Variants in SH3GL2 observed in about 807,000 individuals in gnomAD.
SH3GL2 encodes SH3 domain containing GRB2 like 2, endophilin A1, also known as endophilin-A1.
A neutral mutation model predicts 46.0 loss-of-function variants in SH3GL2; 24 were observed. The observed-to-expected ratio is 0.52, with a 90% CI of 0.38 to 0.73. The LOEUF (loss-of-function observed/expected upper bound fraction) is 0.73, where lower values mean the gene tolerates loss of function less well. SH3GL2 is among the 30% of genes least tolerant of loss of function. SH3GL2 has a pLI of 0.00. For missense variants in SH3GL2, 413 were observed against 424.2 expected (o/e 0.97, Z 0.23); for synonymous variants, 196 against 147.1 (o/e 1.33, Z -2.40).
At chr9:17,680,460 G>T (rs1403434689) in intron 1 of SH3GL2, among the ~76,000 whole-genome samples, 1 of 152,048 alleles carries the variant, frequency 6.6e-6, no homozygotes, top group Non-Finnish European at 1.5e-5. Context: ...GTATTTCTGT[G>T]GGATTGGTGG....
Position 17,789,484 on chromosome 9 carries a change from T to C in SH3GL2, c.558T>C (p.Ala186=). Residue 186 remains alanine (A), a synonymous_variant, in exon 6 of 9, where the codon GCT becomes GCC. Transcript: ENST00000380607. ...GKIPDEELRQ[A]LEKFDESKEI... is the part of the protein sequence containing the mutation. The stretch of plus-strand genomic sequence containing the variant: ...TTCCGGATGAAGAGCTTCGTCAAGC[T>C]CTAGAGAAATTTGATGAGTCTAAGG... The C allele has an allele frequency of 6.2e-7, 1 of 1,613,510 alleles. No homozygotes were observed. Among genetic ancestry groups the C allele is most frequent in the Non-Finnish European group, 8.5e-7 (1 of 1,179,592 alleles).
intron 1 of SH3GL2, chr9:17,735,840 C>G (rs1336994495): frequency 4.1e-6 from 2 of 487,220 alleles, no homozygotes; most frequent in Non-Finnish European, 2.7e-6. Context: ...AGGGACATTA[C>G]TCTGCGTATA....
intron 1 of SH3GL2, among the ~76,000 whole-genome samples, chr9:17,686,805 G>A (rs1429114675): frequency 8.2e-6 from 1 of 122,244 alleles, no homozygotes; most frequent in African/African-American, 3.1e-5. Flanking sequence ...GGGGGGAGGG[G>A]GGAGGGTTAG....
rs1482307269 is a variant in SH3GL2 at position 17,679,666 on chromosome 9, T to C, written c.46-67400T>C. Among the ~76,000 whole-genome samples the C allele has an allele frequency of 8.5e-5, 13 of 152,212 alleles. 1 individual carries two copies. Among genetic ancestry groups the C allele is most frequent in the Admixed American group, 8.5e-4 (13 of 15,274 alleles). ...CCTGGCCAGAACTTTCAACACTATG[T>C]TGAATAGGAGTGGTGAGAGAGGGCA... On this transcript the variant is annotated intron_variant, in intron 1 of 8. Coordinates refer to ENST00000380607, the MANE Select transcript of SH3GL2 (RefSeq NM_003026.5).
intron 2 of SH3GL2, among the ~76,000 whole-genome samples, chr9:17,748,273 G>A (rs536446051): frequency 6.6e-6 from 1 of 152,202 alleles, no homozygotes; most frequent in South Asian, 2.1e-4. Flanking sequence ...GTGGGTGGTG[G>A]GTAATGGATC....
intron 1 of SH3GL2, among the ~76,000 whole-genome samples, chr9:17,643,314 T>A (rs1182064191): frequency 1.3e-5 from 2 of 152,222 alleles, no homozygotes; most frequent in African/African-American, 4.8e-5. Flanking sequence ...TTTCTAAATA[T>A]ACAATCATGT....
intron 2 of SH3GL2, among the ~76,000 whole-genome samples, chr9:17,748,194 A>G (rs1036933512): frequency 2.0e-5 from 3 of 152,182 alleles, no homozygotes; most frequent in South Asian, 4.1e-4. Context: ...GCTCTTCAGA[A>G]CAGGTGATAT....
At chr9:17,692,703 A>G (rs1400655294) in intron 1 of SH3GL2, among the ~76,000 whole-genome samples, 1 of 152,054 alleles carries the variant, frequency 6.6e-6, no homozygotes, top group Non-Finnish European at 1.5e-5. Flanking sequence ...TGGATAAGAA[A>G]TATTTTTCAC....
intron 1 of SH3GL2, among the ~76,000 whole-genome samples, chr9:17,705,901 A>G (rs977951767): frequency 6.6e-5 from 10 of 151,946 alleles, no homozygotes; most frequent in African/African-American, 2.2e-4. Flanking sequence ...ATGACATGCA[A>G]TTTACCCATG....
chr9:17,789,177 T>C (rs1183554482), intron 5 of SH3GL2, among the ~76,000 whole-genome samples: 1 of 152,218 alleles, frequency 6.6e-6, no homozygotes, highest in Non-Finnish European at 1.5e-5. Flanking sequence ...TAATTTATCT[T>C]TTATTCTTAA....
intron 6 of SH3GL2, among the ~76,000 whole-genome samples, 170 bp from the exon 7 acceptor site, chr9:17,791,061 A>T (rs953636276): frequency 5.9e-5 from 9 of 152,168 alleles, no homozygotes; most frequent in Admixed American, 5.9e-4. Context: ...TCCTTGATGG[A>T]TTTGAAACCT....
At chr9:17,646,352 C>T (rs1381608824) in intron 1 of SH3GL2, among the ~76,000 whole-genome samples, 1 of 151,938 alleles carries the variant, frequency 6.6e-6, no homozygotes, top group Non-Finnish European at 1.5e-5. Flanking sequence ...TTGTTATAAC[C>T]CACCTTCTGA....
intron 1 of SH3GL2, among the ~76,000 whole-genome samples, chr9:17,613,436 A>G (rs1215597077): frequency 6.6e-6 from 1 of 152,176 alleles, no homozygotes; most frequent in Non-Finnish European, 1.5e-5. Flanking sequence ...AATAACAACA[A>G]TGGCAATATT....
intron 1 of SH3GL2, among the ~76,000 whole-genome samples, chr9:17,646,292 C>T (rs1314928829): frequency 2.6e-5 from 4 of 151,996 alleles, no homozygotes; most frequent in Non-Finnish European, 5.9e-5. Flanking sequence ...TATCAAAGTT[C>T]TTAGCTTCCT....
intron 1 of SH3GL2, among the ~76,000 whole-genome samples, chr9:17,651,460 T>G (rs1260761373): frequency 2.6e-5 from 4 of 152,230 alleles, no homozygotes; most frequent in Non-Finnish European, 5.9e-5. Flanking sequence ...TTGTTTTTGT[T>G]GCTCTTATAA....
intron 1 of SH3GL2, among the ~76,000 whole-genome samples, chr9:17,730,466 A>G (rs184313987): frequency 2.4e-4 from 36 of 152,100 alleles, no homozygotes; most frequent in African/African-American, 8.4e-4. Context: ...CTCTTGCCTG[A>G]TTGTCTTGGC....
At chr9:17,601,114 CT>C (rs1458163634) in intron 1 of SH3GL2, among the ~76,000 whole-genome samples, 1 of 152,136 alleles carries the variant, frequency 6.6e-6, no homozygotes, top group African/African-American at 2.4e-5. Flanking sequence ...GTTTCTACAG[CT>C]TTTTTGCAGT....
chr9:17,678,316 T>A (rs1228619742), intron 1 of SH3GL2, among the ~76,000 whole-genome samples: 12 of 152,216 alleles, frequency 7.9e-5, no homozygotes, highest in Admixed American at 6.5e-4. Flanking sequence ...GACTTTTTAA[T>A]GATCGCCATT....
At chr9:17,700,589 C>T (rs74305190) in intron 1 of SH3GL2, among the ~76,000 whole-genome samples, 11,514 of 152,154 alleles carry the variant, frequency 0.076, 600 homozygotes, top group Admixed American at 0.14. Flanking sequence ...TAGCCAGATT[C>T]ATTTGTCTTT....
Sources: gnomAD v4.1 joint callset for allele counts (sites outside exome capture counted in the v4.1 genomes callset) on GRCh38, gnomAD v4.1.1 for gene constraint, MANE v1.5 for transcripts, NCBI Gene and HGNC (gene_info 2026-07-23, HGNC 2026-07-21) for gene names.